Variants in IGF2BP2 observed in about 807,000 individuals in gnomAD.
IGF2BP2 encodes insulin like growth factor 2 mRNA binding protein 2.
A neutral mutation model predicts 75.8 loss-of-function variants in IGF2BP2; 17 were observed. The ratio of observed to expected loss-of-function variants is 0.22; its 90% confidence interval spans 0.15 to 0.34. The LOEUF is 0.34. Among genes scored for constraint, IGF2BP2 ranks in the 10% least tolerant of loss-of-function variants. The probability of loss-of-function intolerance (pLI) is 1.00; values close to 1 mark genes in which losing one functional copy is unlikely to be tolerated. For synonymous variants in IGF2BP2, 288 were observed against 295.6 expected (o/e 0.97, Z 0.26); for missense variants, 516 against 772.4 (o/e 0.67, Z 3.93).
intron 4 of IGF2BP2, chr3:185,696,380 G>A: frequency 1.9e-6 from 1 of 536,306 alleles, no homozygotes. Flanking sequence ...ATGAGAAACA[G>A]CTTGTAAATA....
chr3:185,789,832 C>T lies in IGF2BP2; in HGVS notation c.239+33321G>A, dbSNP rs564825284. On this transcript the variant is annotated intron_variant, in intron 2 of 15. Transcript: ENST00000382199. ...CACTGCAACCTCCAACACCCAGGTT[C>T]GAGTGATTCTCCTGCCTCAGCCTCC... Among the ~76,000 whole-genome samples, 5 of 149,334 alleles carry T rather than the reference C, an allele frequency of 3.3e-5. No individual in the cohort carries two copies. The East Asian group carries it at 6.0e-4, about 18-fold the overall frequency.
At chr3:185,734,210 A>C (rs781059908) in intron 2 of IGF2BP2, among the ~76,000 whole-genome samples, 3 of 152,232 alleles carry the variant, frequency 2.0e-5, no homozygotes, top group African/African-American at 4.8e-5. Context: ...ACATAGTTAC[A>C]TAGGTGAAAC....
At chr3:185,783,694 A>T (rs758814541) in intron 2 of IGF2BP2, among the ~76,000 whole-genome samples, 3 of 152,166 alleles carry the variant, frequency 2.0e-5, no homozygotes, top group Non-Finnish European at 2.9e-5. Flanking sequence ...CTATGATGTA[A>T]ATCTTCCCAG....
At chr3:185,789,664 C>CAAA (rs533920256) in intron 2 of IGF2BP2, among the ~76,000 whole-genome samples, 1 of 125,776 alleles carries the variant, frequency 8.0e-6, no homozygotes, top group Non-Finnish European at 1.7e-5. Context: ...GTTAAGTAAG[C>CAAA]AAAAAAAAAA....
chr3:185,817,445 C>T (rs1338943426), intron 2 of IGF2BP2, among the ~76,000 whole-genome samples: 1 of 152,098 alleles, frequency 6.6e-6, no homozygotes. Flanking sequence ...CCTTTGGCAG[C>T]CAAGCAACAG....
intron 7 of IGF2BP2, among the ~76,000 whole-genome samples, chr3:185,685,198 A>T (rs976295945): frequency 6.6e-6 from 1 of 152,108 alleles, no homozygotes; most frequent in Non-Finnish European, 1.5e-5. Flanking sequence ...AATTACAAAA[A>T]TTAGCCAGAT....
At chr3:185,690,595 C>T (rs1387021392) in intron 5 of IGF2BP2, among the ~76,000 whole-genome samples, 3 of 152,154 alleles carry the variant, frequency 2.0e-5, no homozygotes, top group Non-Finnish European at 4.4e-5. Context: ...CAACCTTTTA[C>T]AGTTACACAC....
chr3:185,646,982 A>G, intron 15 of IGF2BP2, 43 bp downstream of exon 15: 1 of 1,459,212 alleles, frequency 6.9e-7, no homozygotes, highest in Non-Finnish European at 9.6e-7. Context: ...CAGAGAATTG[A>G]AAAGAGACTT....
chr3:185,784,000 C>G (rs894286450), intron 2 of IGF2BP2, among the ~76,000 whole-genome samples: 4 of 152,086 alleles, frequency 2.6e-5, no homozygotes, highest in Non-Finnish European at 4.4e-5. Context: ...TTTGGGAGGC[C>G]AAGGCAGGCA....
intron 2 of IGF2BP2, among the ~76,000 whole-genome samples, chr3:185,720,951 T>C (rs930661638): frequency 4.6e-5 from 7 of 152,126 alleles, no homozygotes; most frequent in Admixed American, 3.3e-4. Context: ...AAGGGTAATG[T>C]GGTCAAAGGA....
chr3:185,815,017 C>CA (rs1740417274), intron 2 of IGF2BP2, among the ~76,000 whole-genome samples: 2 of 151,654 alleles, frequency 1.3e-5, no homozygotes, highest in South Asian at 4.2e-4. Flanking sequence ...GTATCCTAAA[C>CA]AAAAAAACCT....
intron 2 of IGF2BP2, chr3:185,813,982 A>T (rs572555783): frequency 6.6e-5 from 10 of 152,364 alleles, no homozygotes; most frequent in Admixed American, 2.0e-4. Flanking sequence ...ACATACTCAG[A>T]GTTTTTAAGT....
chr3:185,643,346 C>G lies in IGF2BP2; in HGVS notation c.*2185G>C, dbSNP rs991177049. On this transcript the variant is annotated 3_prime_UTR_variant, in exon 16 of 16. Coordinates refer to ENST00000382199, the MANE Select transcript of IGF2BP2 (RefSeq NM_006548.6). ...AGGCTTGCAGTTCCTTAAGGATAGACTGGTCTTCTCTAGCTTGACATGCAG... is the reference window on the plus strand; with the variant it reads ...AGGCTTGCAGTTCCTTAAGGATAGAGTGGTCTTCTCTAGCTTGACATGCAG... Among the ~76,000 whole-genome samples, 4 of 152,232 alleles carry G rather than the reference C, an allele frequency of 2.6e-5. No homozygotes were observed. Among genetic ancestry groups the G allele is most frequent in the Non-Finnish European group, 5.9e-5 (4 of 68,042 alleles).
intron 10 of IGF2BP2, among the ~76,000 whole-genome samples, chr3:185,665,081 C>A (rs1430680764): frequency 2.0e-5 from 3 of 150,248 alleles, no homozygotes; most frequent in African/African-American, 7.4e-5. Flanking sequence ...GGGAGCATCA[C>A]TTGAGCCCAG....
chr3:185,774,297 C>T (rs531322254), intron 2 of IGF2BP2, among the ~76,000 whole-genome samples: 2 of 152,112 alleles, frequency 1.3e-5, no homozygotes, highest in African/African-American at 4.8e-5. Flanking sequence ...AAATCACGGA[C>T]TAAGAAAGTA....
intron 2 of IGF2BP2, among the ~76,000 whole-genome samples, chr3:185,761,013 G>GT (rs68038755): frequency 2.9e-5 from 3 of 102,600 alleles, no homozygotes; most frequent in Non-Finnish European, 5.1e-5. Context: ...TTTTTTTTGA[G>GT]GGGGGGAACC....
At chr3:185,701,706 T>C (rs1333923128) in intron 2 of IGF2BP2, among the ~76,000 whole-genome samples, 1 of 152,192 alleles carries the variant, frequency 6.6e-6, no homozygotes, top group Non-Finnish European at 1.5e-5. Context: ...CTTGGAGGAA[T>C]AATCTCTTAA....
Position 185,665,254 on chromosome 3 carries a change from A to AAGGAGG in IGF2BP2, c.1201-6851_1201-6846dup, listed in dbSNP as rs1178673063. On this transcript the variant is annotated intron_variant, in intron 10 of 15. Coordinates refer to ENST00000382199, the MANE Select transcript of IGF2BP2 (RefSeq NM_006548.6). ...GGAGGAGGAGAAGGAGAAGAAGGAGAAGGAGGAGGAGGAGGAGGAGAAGGA... is the reference window on the plus strand; with the variant it reads ...GGAGGAGGAGAAGGAGAAGAAGGAGAAGGAGGAGGAGGAGGAGGAGGAGGAGAAGGA... Among the ~76,000 whole-genome samples, 12 of 114,930 alleles carry AAGGAGG rather than the reference A, an allele frequency of 1.0e-4. No homozygotes were observed. In the South Asian group the frequency reaches 2.3e-3, roughly 22 times the overall value. The allele number at this position is 114,930 out of a possible 152,430, so 75.4% of individuals were successfully genotyped here.
chr3:185,700,840 A>G (rs1434925365), intron 2 of IGF2BP2, among the ~76,000 whole-genome samples: 1 of 152,188 alleles, frequency 6.6e-6, no homozygotes, highest in Non-Finnish European at 1.5e-5. Flanking sequence ...ATATCATAAT[A>G]CAGCTGAATA....
Sources: allele counts gnomAD v4.1 joint callset (sites outside exome capture counted in the v4.1 genomes callset), GRCh38; gene constraint gnomAD v4.1.1; transcripts MANE v1.5; gene names NCBI Gene and HGNC (gene_info 2026-07-23, HGNC 2026-07-21).